Variants in MDM2 observed in about 807,000 individuals in gnomAD.
MDM2 encodes the protein MDM2 proto-oncogene, also known as E3 ubiquitin-protein ligase Mdm2.
MDM2 carries 11 observed loss-of-function variants against 64.3 expected under a neutral mutation model. The ratio of observed to expected loss-of-function variants is 0.17; its 90% CI spans 0.11 to 0.28. MDM2 has a LOEUF of 0.28. MDM2 is among the 10% of genes least tolerant of loss of function. The pLI is 1.00. For synonymous variants in MDM2, 194 were observed against 192.9 expected (o/e 1.01, Z -0.05); for missense variants, 388 against 577.1 (o/e 0.67, Z 3.36).
Position 68,841,593 on chromosome 12 carries a change from G to T in MDM2, c.*1744G>T, listed in dbSNP as rs900060410. 4.8e-6 allele frequency: 1 copy of T among 210,026 alleles called. No individual in the cohort carries two copies. The highest frequency in any genetic ancestry group is 9.7e-6 in the Non-Finnish European group (1 of 103,560). The allele number at this position is 210,026 out of a possible 1,614,324, so 13.0% of individuals were successfully genotyped here. On this transcript the variant is annotated 3_prime_UTR_variant, in exon 11 of 11. Coordinates refer to ENST00000258149, the MANE Select transcript of MDM2 (RefSeq NM_002392.6). ...TCCTTTATGGGATTTAATGGAATCT[G>T]TTGTTTCCCCCTAAGTTGAAAAACA...
Position 68,844,657 on chromosome 12 carries a change from C to CA in MDM2, c.*4815dup, listed in dbSNP as rs11296638. 1.3e-4 allele frequency: 30 copies of CA among 225,780 alleles called. No individual in the cohort carries two copies. Among genetic ancestry groups the CA allele is most frequent in the East Asian group, 2.5e-4 (4 of 15,736 alleles). 14.0% of individuals were successfully genotyped at this position (225,780 alleles called of 1,614,324 possible). Reference sequence around the variant, plus strand: ...CAAATGTAAGTACATCAGAAAAAAACAAAAAAACTGGCTTTAAAGCAGGAG... The same window carrying CA: ...CAAATGTAAGTACATCAGAAAAAAACAAAAAAAACTGGCTTTAAAGCAGGAG... On this transcript the variant is annotated 3_prime_UTR_variant, in exon 11 of 11. Coordinates refer to ENST00000258149, the MANE Select transcript of MDM2 (RefSeq NM_002392.6).
At chr12:68,823,184 A>G (rs190418007) in intron 5 of MDM2, among the ~76,000 whole-genome samples, 3 of 152,328 alleles carry the variant, frequency 2.0e-5, no homozygotes, top group Non-Finnish European at 1.5e-5. Flanking sequence ...AAATTAATCT[A>G]TGATAATGCA....
chr12:68,845,637 A>G (rs1884235851), downstream of MDM2: 1 of 176,462 alleles, frequency 5.7e-6, no homozygotes, highest in African/African-American at 2.4e-5. Flanking sequence ...TTCGATAGGC[A>G]TTTTCATGTT....
intron 4 of MDM2, among the ~76,000 whole-genome samples, chr12:68,817,319 A>G (rs1226696339): frequency 1.3e-5 from 2 of 152,230 alleles, no homozygotes; most frequent in Non-Finnish European, 2.9e-5. Context: ...AGCTGTAGCT[A>G]TTATAACTTT....
intron 4 of MDM2, among the ~76,000 whole-genome samples, chr12:68,818,883 A>G (rs532768275): frequency 2.0e-4 from 31 of 151,918 alleles, no homozygotes; most frequent in Non-Finnish European, 4.3e-4. Flanking sequence ...GGTGCACACT[A>G]CTATGAGCAG....
chr12:68,831,700 C>T (rs1009326196), intron 8 of MDM2, among the ~76,000 whole-genome samples: 5 of 152,122 alleles, frequency 3.3e-5, no homozygotes, highest in African/African-American at 4.8e-5. Context: ...CTTAATAACT[C>T]GTGTGGAGTA....
intron 7 of MDM2, 179 bp from the exon 8 acceptor site, chr12:68,828,592 C>T (rs1038526563): frequency 2.8e-5 from 15 of 540,890 alleles, no homozygotes; most frequent in African/African-American, 1.7e-4. Flanking sequence ...AATAAATAAA[C>T]AAATAAATAA....
chr12:68,839,246 A>G (rs752173209), intron 10 of MDM2, 28 bp from the exon 11 acceptor site: 1 of 1,594,100 alleles, frequency 6.3e-7, no homozygotes, highest in Non-Finnish European at 8.5e-7. Flanking sequence ...GGTTACAGAA[A>G]CTGACTGTGT....
At chr12:68,810,950 C>G (rs1299288366) in intron 2 of MDM2, among the ~76,000 whole-genome samples, 1 of 152,166 alleles carries the variant, frequency 6.6e-6, no homozygotes, top group Non-Finnish European at 1.5e-5. Context: ...ATTGCAACCT[C>G]TGCCTCACGG....
chr12:68,845,581 C>T (rs1405883886), downstream of MDM2: 1 of 181,414 alleles, frequency 5.5e-6, no homozygotes, highest in Non-Finnish European at 1.2e-5. Flanking sequence ...TACTTGAATT[C>T]GTATTGCTTT....
At chr12:68,827,487 T>C (rs141761860) in intron 7 of MDM2, among the ~76,000 whole-genome samples, 52 of 152,330 alleles carry the variant, frequency 3.4e-4, no homozygotes, top group African/African-American at 1.2e-3. Context: ...GTTGCAGATA[T>C]TATCTTCGAA....
upstream of MDM2, chr12:68,808,172 G>A: frequency 2.0e-6 from 1 of 508,826 alleles, no homozygotes. Flanking sequence ...CCCTCGGGCG[G>A]TAGGGGGCGC....
Position 68,808,424 on chromosome 12 carries a change from G to C in MDM2, c.-54G>C. On this transcript the variant is annotated 5_prime_UTR_variant, in exon 1 of 11. The change abolishes the stop of an existing upstream ORF in the 5' untranslated region. Coordinates refer to ENST00000258149, the MANE Select transcript of MDM2 (RefSeq NM_002392.6). ...GGCGTCGTGCTTCCGCGCGCCCCGT[G>C]AAGGAAACTGGGGAGTCTTGAGGGA... The C allele has an allele frequency of 1.2e-6, 2 of 1,613,560 alleles. No homozygotes were observed. The highest frequency in any genetic ancestry group is 1.7e-6 in the Non-Finnish European group (2 of 1,179,716).
chr12:68,833,315 ATAAT>A lies in MDM2; in HGVS notation c.685-2511_685-2508del, dbSNP rs1238000338. 9.6e-5 allele frequency among the ~76,000 whole-genome samples: 12 copies of A among 125,362 alleles called. 1 individual carries two copies. Among genetic ancestry groups the A allele is most frequent in the South Asian group, 2.3e-4 (1 of 4,436 alleles). The allele number at this position is 125,362 out of a possible 152,430, so 82.2% of individuals were successfully genotyped here. The stretch of plus-strand genomic sequence containing the variant: ...TATATATTTATATAAATATAAAAAT[ATAAT>A]TATATAAATATAAAAATATATATTT... On this transcript the variant is annotated intron_variant, in intron 8 of 10. Transcript: ENST00000258149.
At position 68,842,883 on chromosome 12, in the gene MDM2, C is replaced by G. The variant is rs1883910372; in HGVS notation, c.*3034C>G. On this transcript the variant is annotated 3_prime_UTR_variant, in exon 11 of 11. Coordinates refer to ENST00000258149, the MANE Select transcript of MDM2 (RefSeq NM_002392.6). ...TATAATGAAGCCTAGTTATGCTGGA[C>G]TGTTTTGATCTCTTTTAATTGTTCT... 1 of 206,106 alleles carries G rather than the reference C, an allele frequency of 4.9e-6. No individual in the cohort carries two copies. The allele number at this position is 206,106 out of a possible 1,614,324, so 12.8% of individuals were successfully genotyped here. A position where few individuals can be genotyped will look rare whatever the true frequency, so the allele number is the denominator to read the frequency against.
chr12:68,822,267 T>C (rs886956545), intron 5 of MDM2, among the ~76,000 whole-genome samples: 8 of 152,220 alleles, frequency 5.3e-5, no homozygotes, highest in Non-Finnish European at 8.8e-5. Context: ...TGAATACTTA[T>C]TCTTCCAAAG....
Position 68,828,922 on chromosome 12 carries a change from A to T in MDM2, c.675A>T (p.Pro225=). ...GTAGCAGTGAATCTACAGGGACGCC[A>T]TCGAATCCGGTAATGTTCTCATTTT... ...RSSSSESTGT[P]SNPDLDAGVS... Residue 225 remains proline, a synonymous_variant, in exon 8 of 11, where the codon CCA becomes CCT. Coordinates refer to ENST00000258149, the MANE Select transcript of MDM2 (RefSeq NM_002392.6). The T allele has an allele frequency of 6.2e-7, 1 of 1,613,970 alleles. No homozygotes were observed. The highest frequency in any genetic ancestry group is 8.5e-7 in the Non-Finnish European group (1 of 1,179,952).
At chr12:68,829,029 C>A (rs3730607) in intron 8 of MDM2, 98 bp downstream of exon 8, 143 of 1,197,836 alleles carry the variant, frequency 1.2e-4, no homozygotes, top group Non-Finnish European at 1.6e-4. Flanking sequence ...ATGTGTCTTA[C>A]GAGATTGATA....
chr12:68,837,347 TG>T (rs1299678896), intron 10 of MDM2, among the ~76,000 whole-genome samples: 1 of 151,920 alleles, frequency 6.6e-6, no homozygotes, highest in Non-Finnish European at 1.5e-5. Context: ...TTGCCAACCT[TG>T]TCAAACGTAA....
Sources: allele counts gnomAD v4.1 joint callset (sites outside exome capture counted in the v4.1 genomes callset), GRCh38; gene constraint gnomAD v4.1.1; transcripts MANE v1.5; gene names NCBI Gene and HGNC (gene_info 2026-07-23, HGNC 2026-07-21).